Variants in TMCC3 observed in about 807,000 individuals in gnomAD.
TMCC3 encodes the protein transmembrane and coiled-coil domain family 3, also known as transmembrane and coiled-coil domain protein 3.
In TMCC3, 28 loss-of-function variants were observed where a neutral mutation model predicts 40.2. That is an observed-to-expected ratio of 0.70 (90% CI 0.52 to 0.95). TMCC3 has a LOEUF of 0.95. Ranked by LOEUF, TMCC3 falls within the 40% of genes least tolerant of loss-of-function variation. The pLI is 0.00. For missense variants in TMCC3, 554 were observed against 615.2 expected, an observed-to-expected ratio of 0.90 and a Z score of 1.05; for synonymous variants, 255 against 248.5, an observed-to-expected ratio of 1.03 and a Z score of -0.25.
chr12:94,585,522 C>G (rs1481844026), intron 1 of TMCC3, among the ~76,000 whole-genome samples: 3 of 152,064 alleles, frequency 2.0e-5, no homozygotes, highest in Admixed American at 2.0e-4. Flanking sequence ...CGGTGAAACC[C>G]TGTCTCTACT....
chr12:94,595,110 A>T (rs2068707660), intron 1 of TMCC3, among the ~76,000 whole-genome samples: 1 of 152,202 alleles, frequency 6.6e-6, no homozygotes, highest in Non-Finnish European at 1.5e-5. Context: ...TCAAACGTAG[A>T]GTAACTGTTA....
intron 1 of TMCC3, among the ~76,000 whole-genome samples, chr12:94,643,358 C>T (rs551606750): frequency 1.3e-5 from 2 of 152,082 alleles, no homozygotes; most frequent in Non-Finnish European, 2.9e-5. Flanking sequence ...GATGACATGG[C>T]TCAAAAGAAG....
intron 1 of TMCC3, among the ~76,000 whole-genome samples, chr12:94,627,064 G>A (rs1174037831): frequency 1.3e-5 from 2 of 152,006 alleles, no homozygotes. Context: ...GTTTCACCAT[G>A]TTGGCCAGGC....
intron 1 of TMCC3, among the ~76,000 whole-genome samples, chr12:94,618,578 G>A (rs1237049735): frequency 1.3e-5 from 2 of 152,166 alleles, no homozygotes; most frequent in African/African-American, 4.8e-5. Context: ...ATTCCTGGCT[G>A]TCTTCAACCT....
chr12:94,603,701 C>T (rs763381897), intron 1 of TMCC3, among the ~76,000 whole-genome samples: 24 of 152,222 alleles, frequency 1.6e-4, no homozygotes, highest in South Asian at 6.2e-4. Context: ...AGGTGGCAGT[C>T]ACTCAGGACA....
At chr12:94,601,585 G>T (rs1300658552) in intron 1 of TMCC3, among the ~76,000 whole-genome samples, 1 of 151,802 alleles carries the variant, frequency 6.6e-6, no homozygotes, top group East Asian at 1.9e-4. Flanking sequence ...AACATTGTGG[G>T]GGGGCGAGGT....
Position 94,636,871 on chromosome 12 carries a change from G to C in TMCC3, c.78+13482C>G, listed in dbSNP as rs77004856. On this transcript the variant is annotated intron_variant, in intron 1 of 3. Transcript: ENST00000261226. ...GCTTGGGAAAGGATCCCAAGCTTAA[G>C]AAGAGATTGCAGTCCTGGTTGACAC... 2.5e-3 allele frequency among the ~76,000 whole-genome samples: 384 copies of C among 152,346 alleles called. 2 individuals carry two copies. Among genetic ancestry groups the C allele is most frequent in the African/African-American group, 9.0e-3 (375 of 41,584 alleles).
At chr12:94,588,138 G>A (rs778269544) in intron 1 of TMCC3, among the ~76,000 whole-genome samples, 1 of 152,134 alleles carries the variant, frequency 6.6e-6, no homozygotes, top group African/African-American at 2.4e-5. Context: ...CTTACTCACC[G>A]GACACGGGCA....
chr12:94,598,838 G>C (rs1456690140), intron 1 of TMCC3: 1 of 906,974 alleles, frequency 1.1e-6, no homozygotes, highest in Non-Finnish European at 1.3e-6. Flanking sequence ...ATGGTGGGCT[G>C]TGATTTTAAA....
At chr12:94,572,299 A>C (rs1594262108) in intron 3 of TMCC3, among the ~76,000 whole-genome samples, 1 of 98,842 alleles carries the variant, frequency 1.0e-5, no homozygotes, top group East Asian at 3.2e-4. Flanking sequence ...TGCCCAGCCG[A>C]CTTCATCTTT....
At chr12:94,590,260 ATTTTTT>A (rs72186655) in intron 1 of TMCC3, among the ~76,000 whole-genome samples, 8 of 85,362 alleles carry the variant, frequency 9.4e-5, no homozygotes, top group Admixed American at 1.5e-4. Context: ...CGCCCTGCTA[ATTTTTT>A]TTTTTTTTTT....
At position 94,582,205 on chromosome 12, in the gene TMCC3, G is replaced by C; in HGVS notation, c.412C>G (p.Arg138Gly). 3 of 1,614,118 alleles carry C rather than the reference G, an allele frequency of 1.9e-6. No homozygotes were observed. Among genetic ancestry groups the C allele is most frequent in the Non-Finnish European group, 2.5e-6 (3 of 1,180,032 alleles). The change falls in exon 2 of 4, where the codon CGA becomes GGA. Residue 138 changes from arginine to glycine, a missense_variant. Coordinates refer to ENST00000261226, the MANE Select transcript of TMCC3 (RefSeq NM_020698.4). ...TTCTGCTCGATCTCTCTGAGCTTTCGATGATACTGCTCTAACTTCTTCTGC... is the reference window on the plus strand; with the variant it reads ...TTCTGCTCGATCTCTCTGAGCTTTCCATGATACTGCTCTAACTTCTTCTGC... Reference protein sequence around the residue: ...QLQKKLEQYHRKLREIEQNGA... With the variant: ...QLQKKLEQYHGKLREIEQNGA...
chr12:94,640,794 C>A (rs1447245745), intron 1 of TMCC3, among the ~76,000 whole-genome samples: 1 of 152,208 alleles, frequency 6.6e-6, no homozygotes, highest in African/African-American at 2.4e-5. Flanking sequence ...GTTCAAGTTT[C>A]ACTCCAGAGT....
Position 94,569,462 on chromosome 12 carries a change from G to A in TMCC3, c.*1973C>T, listed in dbSNP as rs577732205. 3 of 152,198 alleles carry A rather than the reference G, an allele frequency of 2.0e-5. No individual in the cohort carries two copies. Among genetic ancestry groups the A allele is most frequent in the Admixed American group, 2.0e-4 (3 of 15,286 alleles). 9.4% of individuals were successfully genotyped at this position (152,198 alleles called of 1,614,324 possible). On this transcript the variant is annotated 3_prime_UTR_variant, in exon 4 of 4. Coordinates refer to ENST00000261226, the MANE Select transcript of TMCC3 (RefSeq NM_020698.4). ...GACCAGGGGGAGTCTGACAATGAAAGGAGAGACAGCCATGAGATCAGGGTG... is the reference window on the plus strand; with the variant it reads ...GACCAGGGGGAGTCTGACAATGAAAAGAGAGACAGCCATGAGATCAGGGTG...
At chr12:94,635,823 T>C (rs952728487) in intron 1 of TMCC3, among the ~76,000 whole-genome samples, 4 of 152,200 alleles carry the variant, frequency 2.6e-5, no homozygotes, top group South Asian at 2.1e-4. Context: ...CCCGCCACCA[T>C]GCCCAGCTAA....
intron 2 of TMCC3, 33 bp downstream of exon 2, chr12:94,581,589 T>A (rs950470848): frequency 4.7e-6 from 6 of 1,280,988 alleles, no homozygotes; most frequent in Non-Finnish European, 6.0e-6. Context: ...AAATAAAAAA[T>A]AAAAAACACG....
At chr12:94,646,454 T>TTC (rs1162678358) in intron 1 of TMCC3, among the ~76,000 whole-genome samples, 2 of 148,522 alleles carry the variant, frequency 1.3e-5, no homozygotes, top group East Asian at 3.9e-4. Context: ...TTTTTTTTTT[T>TTC]TGAGAGGAAG....
chr12:94,611,303 A>G (rs2068814474), intron 1 of TMCC3, among the ~76,000 whole-genome samples: 1 of 152,236 alleles, frequency 6.6e-6, no homozygotes, highest in East Asian at 1.9e-4. Context: ...TTGCCAAGTC[A>G]TAAATATAAG....
At chr12:94,604,802 T>TC (rs2068773162) in intron 1 of TMCC3, among the ~76,000 whole-genome samples, 1 of 6,114 alleles carries the variant, frequency 1.6e-4, no homozygotes, top group Admixed American at 1.7e-3. Context: ...AGACTTCATC[T>TC]CAAAAAAAAA....
Sources: gnomAD v4.1 joint callset for allele counts (sites outside exome capture counted in the v4.1 genomes callset) on GRCh38, gnomAD v4.1.1 for gene constraint, MANE v1.5 for transcripts, NCBI Gene and HGNC (gene_info 2026-07-23, HGNC 2026-07-21) for gene names.